LRRC4C: variants seen among roughly 807,000 people sequenced by gnomAD.
The protein encoded by LRRC4C is leucine rich repeat containing 4C.
A neutral mutation model predicts 33.6 loss-of-function variants in LRRC4C; 5 were observed. The ratio of observed to expected loss-of-function variants is 0.15; its 90% CI spans 0.08 to 0.31. The LOEUF (loss-of-function observed/expected upper bound fraction) is 0.31, where lower values mean the gene tolerates loss of function less well. Among genes scored for constraint, LRRC4C ranks in the 10% least tolerant of loss-of-function variants. LRRC4C has a pLI of 1.00. For missense variants in LRRC4C, 560 were observed against 796.7 expected (o/e 0.70, Z 3.58); for synonymous variants, 329 against 302.0 (o/e 1.09, Z -0.93).
intron 3 of LRRC4C, among the ~76,000 whole-genome samples, chr11:40,627,835 C>T (rs1462732151): frequency 2.0e-5 from 3 of 152,110 alleles, no homozygotes; most frequent in African/African-American, 7.2e-5. Flanking sequence ...AGAATTACTC[C>T]CTCTATAGAA....
chr11:40,643,182 A>G (rs1360624721), intron 3 of LRRC4C, among the ~76,000 whole-genome samples: 3 of 151,872 alleles, frequency 2.0e-5, no homozygotes, highest in Non-Finnish European at 2.9e-5. Context: ...ACATATATAT[A>G]CACACACACA....
chr11:40,682,352 T>A (rs1944733640), intron 2 of LRRC4C, among the ~76,000 whole-genome samples: 1 of 151,908 alleles, frequency 6.6e-6, no homozygotes, highest in Middle Eastern at 3.4e-3. Context: ...AAGGGATGAA[T>A]GAATGAATAT....
At chr11:40,752,123 A>T (rs1948718033) in intron 2 of LRRC4C, among the ~76,000 whole-genome samples, 1 of 152,112 alleles carries the variant, frequency 6.6e-6, no homozygotes. Flanking sequence ...AGAAGACTTA[A>T]TGTTAAAACT....
At chr11:40,625,682 T>C (rs1962861939) in intron 3 of LRRC4C, among the ~76,000 whole-genome samples, 1 of 152,202 alleles carries the variant, frequency 6.6e-6, no homozygotes, top group African/African-American at 2.4e-5. Context: ...TCAAACTTAC[T>C]GTTATAAAAT....
intron 1 of LRRC4C, among the ~76,000 whole-genome samples, chr11:41,199,211 G>T (rs1342369935): frequency 6.6e-6 from 1 of 152,032 alleles, no homozygotes; most frequent in Non-Finnish European, 1.5e-5. Context: ...GTATTCCTGA[G>T]TTTGTTCAAT....
intron 3 of LRRC4C, among the ~76,000 whole-genome samples, chr11:40,324,363 A>C (rs538969081): frequency 1.3e-5 from 2 of 152,346 alleles, no homozygotes; most frequent in East Asian, 3.9e-4. Flanking sequence ...AAGAGGCCTT[A>C]GTAAATCCAT....
At chr11:40,376,721 A>ATG (rs61662311) in intron 3 of LRRC4C, among the ~76,000 whole-genome samples, 9,124 of 147,772 alleles carry the variant, frequency 0.062, 295 homozygotes, top group African/African-American at 0.083. Flanking sequence ...GTGTGTGCTT[A>ATG]TGTGTGTGTG....
chr11:40,935,829 A>T (rs1957856193), intron 1 of LRRC4C, among the ~76,000 whole-genome samples: 1 of 151,196 alleles, frequency 6.6e-6, no homozygotes, highest in South Asian at 2.1e-4. Flanking sequence ...GATTTAAGAA[A>T]ATCTAGGTTC....
chr11:40,540,741 C>T (rs183378867), intron 3 of LRRC4C, among the ~76,000 whole-genome samples: 1 of 152,138 alleles, frequency 6.6e-6, no homozygotes, highest in Non-Finnish European at 1.5e-5. Flanking sequence ...GGAATCTCAG[C>T]AGAAGTAGAT....
At chr11:40,508,093 T>C (rs1163130455) in intron 3 of LRRC4C, among the ~76,000 whole-genome samples, 1 of 152,122 alleles carries the variant, frequency 6.6e-6, no homozygotes, top group Non-Finnish European at 1.5e-5. Context: ...TAGCATACTC[T>C]GAAGCCAGAT....
intron 1 of LRRC4C, among the ~76,000 whole-genome samples, chr11:40,940,241 T>A (rs1215207434): frequency 6.6e-6 from 1 of 152,128 alleles, no homozygotes; most frequent in East Asian, 1.9e-4. Flanking sequence ...AATTTTTAGA[T>A]TAAACAAAGT....
At chr11:40,822,845 G>T (rs945623580) in intron 2 of LRRC4C, among the ~76,000 whole-genome samples, 1 of 151,638 alleles carries the variant, frequency 6.6e-6, no homozygotes, top group African/African-American at 2.4e-5. Flanking sequence ...TTTGATTTTT[G>T]TATATAGTGA....
chr11:40,950,385 C>T (rs931511310), intron 1 of LRRC4C, among the ~76,000 whole-genome samples: 6 of 152,046 alleles, frequency 3.9e-5, no homozygotes, highest in Non-Finnish European at 5.9e-5. Context: ...CACTCAGATG[C>T]TATTTGTCTA....
Position 41,160,338 on chromosome 11 carries a change from C to T in LRRC4C, c.-495-226615G>A, listed in dbSNP as rs190408658. 1.7e-4 allele frequency among the ~76,000 whole-genome samples: 25 copies of T among 151,080 alleles called. 1 individual carries two copies. In the East Asian group the frequency reaches 3.7e-3, roughly 22 times the overall value. ...GCACCATGATCATACCTGTGAATAG[C>T]CATTGCAGTCCAGCCTAGGCAACGT... On this transcript the variant is annotated intron_variant, in intron 1 of 6. Transcript: ENST00000528697.
intron 5 of LRRC4C, among the ~76,000 whole-genome samples, chr11:40,161,665 G>C (rs1442963759): frequency 1.3e-5 from 2 of 152,150 alleles, no homozygotes; most frequent in Non-Finnish European, 2.9e-5. Context: ...TAGGGCAGGA[G>C]AATTGCTTGA....
At chr11:40,455,189 T>C (rs1356660124) in intron 3 of LRRC4C, among the ~76,000 whole-genome samples, 1 of 152,158 alleles carries the variant, frequency 6.6e-6, no homozygotes, top group Non-Finnish European at 1.5e-5. Context: ...GGAAATATAA[T>C]GCTCCTGAAG....
chr11:41,379,104 C>G lies in LRRC4C; in HGVS notation c.-496+80327G>C, dbSNP rs192820216. ...ACTTTACTCCCAAAGGGGTAGGGCC[C>G]TGTATCTAAGTGGTTTCTACCAGAA... On this transcript the variant is annotated intron_variant, in intron 1 of 6. Transcript: ENST00000528697. 5.0e-3 allele frequency among the ~76,000 whole-genome samples: 756 copies of G among 152,084 alleles called. 6 individuals are homozygous for G. Among genetic ancestry groups the G allele is most frequent in the South Asian group, 0.014 (67 of 4,812 alleles).
chr11:40,569,353 T>G (rs191287648), intron 3 of LRRC4C, among the ~76,000 whole-genome samples: 1 of 152,306 alleles, frequency 6.6e-6, no homozygotes, highest in Admixed American at 6.5e-5. Flanking sequence ...AGAAGAAATT[T>G]AGTATCCTAT....
At chr11:41,394,059 T>C (rs1041351351) in intron 1 of LRRC4C, among the ~76,000 whole-genome samples, 1 of 151,970 alleles carries the variant, frequency 6.6e-6, no homozygotes, top group Non-Finnish European at 1.5e-5. Context: ...CTTAAAAGCA[T>C]AGACTCTGGA....
Sources: gnomAD v4.1 joint callset for allele counts (sites outside exome capture counted in the v4.1 genomes callset) on GRCh38, gnomAD v4.1.1 for gene constraint, MANE v1.5 for transcripts, NCBI Gene and HGNC (gene_info 2026-07-23, HGNC 2026-07-21) for gene names.